Variants in TMED8 observed in about 807,000 individuals in gnomAD.
TMED8 encodes the protein transmembrane p24 trafficking protein family member 8, also known as protein TMED8.
Under a neutral mutation model 32.7 loss-of-function variants are expected in TMED8, and 15 were observed. That is an observed-to-expected ratio of 0.46 (90% confidence interval 0.31 to 0.71). The LOEUF (loss-of-function observed/expected upper bound fraction) is 0.71. Among genes scored for constraint, TMED8 ranks in the 30% least tolerant of loss-of-function variants. TMED8 has a pLI of 0.06. For missense variants in TMED8, 390 were observed against 423.9 expected, an observed-to-expected ratio of 0.92 and a Z score of 0.70; for synonymous variants, 147 against 161.4, an observed-to-expected ratio of 0.91 and a Z score of 0.68.
In TMED8 at chr14:77,343,338, C is replaced by T; in HGVS notation, c.600G>A (p.Glu200=). The T allele has an allele frequency of 1.2e-6, 2 of 1,614,182 alleles. No homozygotes were observed. Among genetic ancestry groups the T allele is most frequent in the Middle Eastern group, 1.7e-4 (1 of 6,058 alleles). ...VVTIRVPTHP[E]GKRVCWEFAT... is the part of the protein sequence containing the mutation. ...CAAACTCCCAGCAGACACGCTTCCC[C>T]TCTGGATGAGTAGGTACCCGGATGG... The change falls in exon 5 of 6, where the codon GAG becomes GAA. Residue 200 remains glutamate, a synonymous_variant. Coordinates refer to ENST00000216468, the MANE Select transcript of TMED8 (RefSeq NM_213601.3).
chr14:77,354,936 G>A (rs917273437), intron 1 of TMED8, among the ~76,000 whole-genome samples: 8 of 150,482 alleles, frequency 5.3e-5, no homozygotes, highest in Admixed American at 3.3e-4. Flanking sequence ...CCTGGGTGAC[G>A]AAGGAAGAAC....
At position 77,343,689 on chromosome 14, in the gene TMED8, G is replaced by A; in HGVS notation, c.454+8C>T. ...ACAAACCACCTCCTTTACTCCCAAA[G>A]GTCTCACCTTTCCTGTGGTCCCCCA... On this transcript the variant is annotated splice_region_variant and intron_variant, in intron 4 of 5. Coordinates refer to ENST00000216468, the MANE Select transcript of TMED8 (RefSeq NM_213601.3). 1 of 1,614,038 alleles carries A rather than the reference G, an allele frequency of 6.2e-7. No homozygotes were observed. The highest frequency in any genetic ancestry group is 8.5e-7 in the Non-Finnish European group (1 of 1,180,008).
chr14:77,343,848 G>A (rs768681005), intron 3 of TMED8, 25 bp from the exon 4 acceptor site: 6 of 1,601,148 alleles, frequency 3.7e-6, no homozygotes, highest in Non-Finnish European at 5.1e-6. Context: ...TCTGGTTAAA[G>A]GAGTATTCGA....
At chr14:77,360,504 C>G (rs1029203482) in intron 1 of TMED8, among the ~76,000 whole-genome samples, 4 of 152,112 alleles carry the variant, frequency 2.6e-5, no homozygotes, top group East Asian at 1.9e-4. Flanking sequence ...CCAGGCTCAT[C>G]CATGTGTGGT....
intron 1 of TMED8, among the ~76,000 whole-genome samples, chr14:77,367,295 A>G (rs1156379826): frequency 1.3e-5 from 2 of 151,316 alleles, no homozygotes; most frequent in Non-Finnish European, 3.0e-5. Flanking sequence ...ATTGTGAAAT[A>G]TAACGCAAAT....
chr14:77,364,456 G>C (rs58550666), intron 1 of TMED8, among the ~76,000 whole-genome samples: 2,341 of 152,220 alleles, frequency 0.015, 48 homozygotes, highest in African/African-American at 0.054. Context: ...TGACGCCCAG[G>C]CTGGTCTCAA....
chr14:77,374,900 G>C (rs1727251774), intron 1 of TMED8, among the ~76,000 whole-genome samples: 1 of 152,180 alleles, frequency 6.6e-6, no homozygotes. Context: ...CTGTCTGCGA[G>C]TACCAATACT....
chr14:77,374,275 G>A (rs1893764370), intron 1 of TMED8, among the ~76,000 whole-genome samples: 1 of 152,176 alleles, frequency 6.6e-6, no homozygotes, highest in Admixed American at 6.5e-5. Flanking sequence ...AGTTTTTTGG[G>A]GTTTACGCCC....
chr14:77,345,968 C>CAAAA (rs370981070), intron 3 of TMED8, among the ~76,000 whole-genome samples: 1 of 76,618 alleles, frequency 1.3e-5, no homozygotes, highest in African/African-American at 5.0e-5. Flanking sequence ...GACCCTGTCT[C>CAAAA]AAAAAAAAAA....
Position 77,339,678 on chromosome 14 carries a change from C to T in TMED8, c.*2093G>A, listed in dbSNP as rs1308364837. The T allele has an allele frequency of 1.3e-5, 2 of 152,222 alleles. No individual in the cohort carries two copies. The highest frequency in any genetic ancestry group is 4.8e-5 in the African/African-American group (2 of 41,460). The allele number at this position is 152,222 out of a possible 1,614,324, so 9.4% of individuals were successfully genotyped here. A position where few individuals can be genotyped will look rare whatever the true frequency, so the allele number is the denominator to read the frequency against. On this transcript the variant is annotated 3_prime_UTR_variant, in exon 6 of 6. Transcript: ENST00000216468. ...GATGACACACAGCAAATCAGCTCTT[C>T]ACTGCCTCAACAGACAGTCACTAAA... is the stretch of plus-strand genomic sequence containing the variant.
intron 2 of TMED8, among the ~76,000 whole-genome samples, chr14:77,350,335 G>C (rs1312068371): frequency 1.3e-5 from 2 of 152,172 alleles, no homozygotes; most frequent in African/African-American, 2.4e-5. Context: ...AGCTCCCTGA[G>C]AGCAGTGATG....
rs1427537643 is a variant in TMED8, at chr14:77,336,284, T to C, written c.*5487A>G. The C allele has an allele frequency of 6.6e-6, 1 of 152,168 alleles. No individual in the cohort carries two copies. The highest frequency in any genetic ancestry group is 2.4e-5 in the African/African-American group (1 of 41,452). The allele number at this position is 152,168 out of a possible 1,614,324, so 9.4% of individuals were successfully genotyped here. A position where few individuals can be genotyped will look rare whatever the true frequency, so the allele number is the denominator to read the frequency against. ...CATCTCTAGATTTCTAGGGCAACTT[T>C]TCATCATATCTTTGAAGAGTCATGA... On this transcript the variant is annotated 3_prime_UTR_variant, in exon 6 of 6. Coordinates refer to ENST00000216468, the MANE Select transcript of TMED8 (RefSeq NM_213601.3).
chr14:77,346,621 G>T, intron 2 of TMED8, 143 bp from the exon 3 acceptor site: 2 of 1,021,686 alleles, frequency 2.0e-6, no homozygotes, highest in Non-Finnish European at 2.9e-6. Context: ...TGTCACCTTA[G>T]CCGACCACTG....
At chr14:77,353,280 C>G (rs921929979) in intron 1 of TMED8, among the ~76,000 whole-genome samples, 1 of 152,180 alleles carries the variant, frequency 6.6e-6, no homozygotes, top group Non-Finnish European at 1.5e-5. Flanking sequence ...AAGTTTACTT[C>G]TCAATACAAA....
intron 3 of TMED8, among the ~76,000 whole-genome samples, chr14:77,345,827 G>T (rs527743612): frequency 6.6e-6 from 1 of 151,886 alleles, no homozygotes; most frequent in Admixed American, 6.6e-5. Context: ...AAAATTAGCC[G>T]GGTGTGGTGG....
chr14:77,369,938 C>A (rs988689201), intron 1 of TMED8, among the ~76,000 whole-genome samples: 15 of 152,130 alleles, frequency 9.9e-5, no homozygotes, highest in Non-Finnish European at 7.4e-5. Flanking sequence ...GGCGGGAGGG[C>A]CGAGGCGGGC....
Position 77,343,732 on chromosome 14 carries a change from A to G in TMED8, c.419T>C (p.Leu140Ser). 1 of 1,614,214 alleles carries G rather than the reference A, an allele frequency of 6.2e-7. No individual in the cohort carries two copies. Among genetic ancestry groups the G allele is most frequent in the Non-Finnish European group, 8.5e-7 (1 of 1,180,046 alleles). The change falls in exon 4 of 6, where the codon TTG becomes TCG. Residue 140 changes from leucine to serine, a missense_variant. By Grantham distance (145) the Leu-to-Ser change is moderately radical. Coordinates refer to ENST00000216468, the MANE Select transcript of TMED8 (RefSeq NM_213601.3). ...TGAIDVLSAD[L>S]ESADLLGDHR... ...GTCCCCCAGAAGATCTGCAGATTCC[A>G]AATCAGCTGAAAGAACATCTATAGC...
At position 77,341,909 on chromosome 14, in the gene TMED8, G is replaced by A. The variant is rs74063333; in HGVS notation, c.840C>T (p.Tyr280=). The change falls in exon 6 of 6, where the codon TAC becomes TAT. Residue 280 remains tyrosine, a synonymous_variant. Coordinates refer to ENST00000216468, the MANE Select transcript of TMED8 (RefSeq NM_213601.3). ...GCACGTCTCGGTGGCTGTCCCGCCGGTACACAGGCATGACCTCCCCATAGC... is the reference window on the plus strand; with the variant it reads ...GCACGTCTCGGTGGCTGTCCCGCCGATACACAGGCATGACCTCCCCATAGC... ...RGRYGEVMPV[Y]RRDSHRDVQA... is the part of the protein sequence containing the mutation. The A allele has an allele frequency of 3.1e-3, 4,924 of 1,611,792 alleles. 122 individuals are homozygous for A. In the African/African-American group the frequency reaches 0.058, roughly 19 times the overall value.
chr14:77,341,612 G>C lies in TMED8; in HGVS notation c.*159C>G, dbSNP rs1369446091. On this transcript the variant is annotated 3_prime_UTR_variant, in exon 6 of 6. Transcript: ENST00000216468. ...CCACCACCTGCAGAAGCCAAGAAGGGGAAAAAGCTACGTGGGCCAACAGTC... is the reference window on the plus strand; with the variant it reads ...CCACCACCTGCAGAAGCCAAGAAGGCGAAAAAGCTACGTGGGCCAACAGTC... 2.9e-6 allele frequency: 2 copies of C among 680,086 alleles called. No individual in the cohort carries two copies. Among genetic ancestry groups the C allele is most frequent in the Non-Finnish European group, 5.0e-6 (2 of 397,334 alleles). The allele number at this position is 680,086 out of a possible 1,614,324, so 42.1% of individuals were successfully genotyped here. A position where few individuals can be genotyped will look rare whatever the true frequency, so the allele number is the denominator to read the frequency against.
Sources: gnomAD v4.1 joint callset for allele counts (sites outside exome capture counted in the v4.1 genomes callset) on GRCh38, gnomAD v4.1.1 for gene constraint, MANE v1.5 for transcripts, NCBI Gene and HGNC (gene_info 2026-07-23, HGNC 2026-07-21) for gene names.